Variants in ZDHHC8 observed in about 807,000 individuals in gnomAD.
ZDHHC8 encodes the protein zDHHC palmitoyltransferase 8.
ZDHHC8 carries 24 observed loss-of-function variants against 61.2 expected under a neutral mutation model. The observed-to-expected ratio is 0.39, with a 90% CI of 0.28 to 0.55. The LOEUF (loss-of-function observed/expected upper bound fraction) is 0.55. ZDHHC8 is among the 20% of genes least tolerant of loss of function. The pLI is 0.60. For synonymous variants in ZDHHC8, 523 were observed against 492.5 expected (o/e 1.06, Z -0.82); for missense variants, 935 against 1,102.1 (o/e 0.85, Z 2.15).
chr22:20,143,459 T>C lies in ZDHHC8; in HGVS notation c.1829T>C (p.Leu610Pro), dbSNP rs1166976392. ...PALRYGSRDD[L>P]VAGPGFGGAR... is the part of the protein sequence containing the mutation. ...CTGCGCTATGGCTCCAGAGACGACC[T>C]TGTGGCTGGGCCCGGCTTCGGTGGC... The change falls in exon 10 of 11, where the codon CTT (leucine) becomes CCT (proline). Residue 610 changes from leucine (L) to proline (P), a missense_variant. Leu to Pro is a moderately conservative substitution (Grantham distance 98). Transcript: ENST00000334554. 1.2e-6 allele frequency: 2 copies of C among 1,600,980 alleles called. No individual in the cohort carries two copies. Among genetic ancestry groups the C allele is most frequent in the Non-Finnish European group, 1.7e-6 (2 of 1,179,422 alleles).
Position 20,147,087 on chromosome 22 carries a change from G to A in ZDHHC8, c.*1687G>A. On this transcript the variant is annotated 3_prime_UTR_variant, in exon 11 of 11. Transcript: ENST00000334554. Reference sequence around the variant, plus strand: ...GCCAGCCTTGGGTGCCTCCTGGGCTGCACCTGTGCCACCTTGGCCGCCCGG... The same window carrying A: ...GCCAGCCTTGGGTGCCTCCTGGGCTACACCTGTGCCACCTTGGCCGCCCGG... 6.5e-7 allele frequency: 1 copy of A among 1,529,612 alleles called. No individual in the cohort carries two copies. Among genetic ancestry groups the A allele is most frequent in the East Asian group, 2.5e-5 (1 of 39,368 alleles). 94.8% of individuals were successfully genotyped at this position (1,529,612 alleles called of 1,614,324 possible).
rs1366122971 is a variant in ZDHHC8 at position 20,140,981 on chromosome 22, A to G, written c.863A>G (p.Asn288Ser). 1 of 1,611,140 alleles carries G rather than the reference A, an allele frequency of 6.2e-7. No homozygotes were observed. Among genetic ancestry groups the G allele is most frequent in the African/African-American group, 1.3e-5 (1 of 74,938 alleles). The change falls in exon 7 of 11, where the codon AAC becomes AGC. Residue 288 changes from asparagine to serine, a missense_variant. Physicochemically the swap from Asn to Ser is conservative, Grantham distance 46 (BLOSUM62 1). Coordinates refer to ENST00000334554, the MANE Select transcript of ZDHHC8 (RefSeq NM_013373.4). ...CCGCTCAAGGTCAAGCTTAGTGACAACGGGCTGAAGGCTGGCCTGGGCCGT... is the reference window on the plus strand; with the variant it reads ...CCGCTCAAGGTCAAGCTTAGTGACAGCGGGCTGAAGGCTGGCCTGGGCCGT... ...AAPLKVKLSD[N>S]GLKAGLGRSK...
chr22:20,132,566 G>A (rs913589053), intron 1 of ZDHHC8, among the ~76,000 whole-genome samples: 9 of 152,234 alleles, frequency 5.9e-5, no homozygotes, highest in African/African-American at 2.2e-4. Context: ...CTGGTGACCC[G>A]GGCCTGGCCC....
Position 20,147,117 on chromosome 22 carries a change from C to T in ZDHHC8, c.*1717C>T. Reference sequence around the variant, plus strand: ...TGTGCCACCTTGGCCGCCCGGAGGACCGCCCACCACTGCGGGCCCCCTGGA... The same window carrying T: ...TGTGCCACCTTGGCCGCCCGGAGGATCGCCCACCACTGCGGGCCCCCTGGA... On this transcript the variant is annotated 3_prime_UTR_variant, in exon 11 of 11. Transcript: ENST00000334554. The T allele has an allele frequency of 6.5e-7, 1 of 1,533,474 alleles. No individual in the cohort carries two copies. Among genetic ancestry groups the T allele is most frequent in the South Asian group, 1.2e-5 (1 of 82,700 alleles). The allele number at this position is 1,533,474 out of a possible 1,614,324, so 95.0% of individuals were successfully genotyped here.
At position 20,145,849 on chromosome 22, in the gene ZDHHC8, C is replaced by T. The variant is rs1044611767; in HGVS notation, c.*449C>T. ...CCTTCTGACACAGCCTGTGGGCTCC[C>T]GGACCGAGTGTCCCCCGCCAGGCTA... On this transcript the variant is annotated 3_prime_UTR_variant, in exon 11 of 11. Coordinates refer to ENST00000334554, the MANE Select transcript of ZDHHC8 (RefSeq NM_013373.4). 12 of 986,614 alleles carry T rather than the reference C, an allele frequency of 1.2e-5. No homozygotes were observed. The highest frequency in any genetic ancestry group is 8.7e-5 in the African/African-American group (5 of 57,304). The allele number at this position is 986,614 out of a possible 1,614,324, so 61.1% of individuals were successfully genotyped here.
chr22:20,140,865 G>A lies in ZDHHC8; in HGVS notation c.753-6G>A, dbSNP rs770318953. On this transcript the variant is annotated splice_region_variant and splice_polypyrimidine_tract_variant and intron_variant, in intron 6 of 10. Coordinates refer to ENST00000334554, the MANE Select transcript of ZDHHC8 (RefSeq NM_013373.4). ...GCTGGCTACTGACCCCTGTGCCCTGGTGCAGGTACGTGGTGGAGCCACCCC... is the reference window on the plus strand; with the variant it reads ...GCTGGCTACTGACCCCTGTGCCCTGATGCAGGTACGTGGTGGAGCCACCCC... 1.2e-5 allele frequency: 20 copies of A among 1,601,108 alleles called. No homozygotes were observed. In the South Asian group the frequency reaches 1.6e-4, roughly 13 times the overall value.
Position 20,139,834 on chromosome 22 carries a change from G to A in ZDHHC8, c.499G>A (p.Gly167Ser), listed in dbSNP as rs777211797. The A allele has an allele frequency of 1.8e-5, 29 of 1,612,520 alleles. No individual in the cohort carries two copies. The highest frequency in any genetic ancestry group is 1.7e-4 in the African/African-American group (13 of 74,912). Reference protein sequence around the residue: ...SAHMVGVVAFGLVYVLNHAEG... With the variant: ...SAHMVGVVAFSLVYVLNHAEG... The stretch of plus-strand genomic sequence containing the variant: ...ACACATGGTGGGCGTCGTGGCCTTC[G>A]GCCTGGTCTACGTGCTGAACCACGC... The change falls in exon 4 of 11, where the codon GGC becomes AGC. Residue 167 changes from glycine to serine, a missense_variant. Coordinates refer to ENST00000334554, the MANE Select transcript of ZDHHC8 (RefSeq NM_013373.4).
In ZDHHC8 at chr22:20,145,319, G is replaced by C; in HGVS notation, c.2217G>C (p.Gly739=). 1 of 1,597,822 alleles carries C rather than the reference G, an allele frequency of 6.3e-7. No individual in the cohort carries two copies. The highest frequency in any genetic ancestry group is 1.4e-5 in the African/African-American group (1 of 74,066). The change falls in exon 11 of 11, where the codon GGG becomes GGC. Residue 739 remains glycine (G), a synonymous_variant. Transcript: ENST00000334554. ...TGGGACCTGCCACCGGCCCCCCAGG[G>C]CCCTCTGCCAGCCCTACACGGCACA... ...ARLGPATGPP[G]PSASPTRHTL...
Position 20,143,221 on chromosome 22 carries a change from C to T in ZDHHC8, c.1591C>T (p.Pro531Ser), listed in dbSNP as rs574261973. 17 of 1,607,724 alleles carry T rather than the reference C, an allele frequency of 1.1e-5. No homozygotes were observed. The East Asian group carries it at 2.9e-4, about 27-fold the overall frequency. The change falls in exon 10 of 11, where the codon CCC (proline) becomes TCC (serine). Residue 531 changes from proline to serine, a missense_variant. Around this residue, in one of 3 missense-constraint regions of ZDHHC8, gnomAD observed 692 missense variants for 731.4 expected, o/e 0.95. Transcript: ENST00000334554. ...CCGCAGCTTCAGCCCCGTGCTGGGCCCCCGCCCCCGGGAGCCCTCGCCTGT... is the reference window on the plus strand; with the variant it reads ...CCGCAGCTTCAGCCCCGTGCTGGGCTCCCGCCCCCGGGAGCCCTCGCCTGT... ...LPRSFSPVLG[P>S]RPREPSPVRY... is the part of the protein sequence containing the mutation.
intron 1 of ZDHHC8, among the ~76,000 whole-genome samples, chr22:20,135,918 G>A (rs967845483): frequency 5.3e-5 from 8 of 152,280 alleles, no homozygotes; most frequent in Admixed American, 4.6e-4. Context: ...AAATGAAAAC[G>A]TCTGAGTTAA....
Position 20,146,464 on chromosome 22 carries a change from C to T in ZDHHC8, c.*1064C>T. 1.0e-6 allele frequency: 1 copy of T among 985,970 alleles called. No individual in the cohort carries two copies. Among genetic ancestry groups the T allele is most frequent in the Non-Finnish European group, 1.2e-6 (1 of 830,334 alleles). The allele number at this position is 985,970 out of a possible 1,614,324, so 61.1% of individuals were successfully genotyped here. A position where few individuals can be genotyped will look rare whatever the true frequency, so the allele number is the denominator to read the frequency against. ...AAAAAGAAAAAGAGTTATTTTGATT[C>T]TTTCCTTGGGCAAGGCCAGGGCTAT... On this transcript the variant is annotated 3_prime_UTR_variant, in exon 11 of 11. Coordinates refer to ENST00000334554, the MANE Select transcript of ZDHHC8 (RefSeq NM_013373.4).
chr22:20,146,142 G>A lies in ZDHHC8; in HGVS notation c.*742G>A, dbSNP rs1295459752. 5 of 985,586 alleles carry A rather than the reference G, an allele frequency of 5.1e-6. No homozygotes were observed. Among genetic ancestry groups the A allele is most frequent in the Middle Eastern group, 5.2e-4 (1 of 1,936 alleles). 61.1% of individuals were successfully genotyped at this position (985,586 alleles called of 1,614,324 possible). A position where few individuals can be genotyped will look rare whatever the true frequency, so the allele number is the denominator to read the frequency against. On this transcript the variant is annotated 3_prime_UTR_variant, in exon 11 of 11. Transcript: ENST00000334554. Reference sequence around the variant, plus strand: ...TTTATGCTCTTGTGGGAGGCGACGGGGGGGCAGGCGGGAGCAGGCACGGGG... The same window carrying A: ...TTTATGCTCTTGTGGGAGGCGACGGAGGGGCAGGCGGGAGCAGGCACGGGG...
chr22:20,132,974 C>T lies in ZDHHC8; in HGVS notation c.104+923C>T, dbSNP rs993541777. On this transcript the variant is annotated intron_variant, in intron 1 of 10. Coordinates refer to ENST00000334554, the MANE Select transcript of ZDHHC8 (RefSeq NM_013373.4). ...CCCAGGTGGCACGAACGATGGCCAC[C>T]TGTTCCAAGGTGGGGCCACCCCTGA... is the stretch of plus-strand genomic sequence containing the variant. Among the ~76,000 whole-genome samples, 5 of 152,242 alleles carry T rather than the reference C, an allele frequency of 3.3e-5. No individual in the cohort carries two copies. The East Asian group carries it at 5.8e-4, about 18-fold the overall frequency.
chr22:20,144,586 C>T (rs907182242), intron 10 of ZDHHC8, among the ~76,000 whole-genome samples: 2 of 152,228 alleles, frequency 1.3e-5, no homozygotes, highest in Non-Finnish European at 2.9e-5. Context: ...GCTGAGGGCA[C>T]AGCAGTCCAG....
Position 20,145,551 on chromosome 22 carries a change from G to C in ZDHHC8, c.*151G>C, listed in dbSNP as rs1298657089. ...CGGGAGAGAGTGCCACGCCTCCACA[G>C]CTTGCCCCAAGCGCTCTGCCTGCCC... On this transcript the variant is annotated 3_prime_UTR_variant, in exon 11 of 11. Coordinates refer to ENST00000334554, the MANE Select transcript of ZDHHC8 (RefSeq NM_013373.4). 4.4e-5 allele frequency: 57 copies of C among 1,294,146 alleles called. No individual in the cohort carries two copies. In the East Asian group the frequency reaches 1.7e-3, roughly 38 times the overall value. 80.2% of individuals were successfully genotyped at this position (1,294,146 alleles called of 1,614,324 possible).
rs1481297483 is a variant in ZDHHC8, at chr22:20,146,835, C to G, written c.*1435C>G. On this transcript the variant is annotated 3_prime_UTR_variant, in exon 11 of 11. Coordinates refer to ENST00000334554, the MANE Select transcript of ZDHHC8 (RefSeq NM_013373.4). ...CAGGGCCCTGTGGGGGCCGCTGAAC[C>G]TGCTGGAACTCTCCTGCCTGCCACA... The G allele has an allele frequency of 8.0e-7, 1 of 1,247,576 alleles. No homozygotes were observed. Among genetic ancestry groups the G allele is most frequent in the East Asian group, 3.2e-5 (1 of 31,602 alleles). The allele number at this position is 1,247,576 out of a possible 1,614,324, so 77.3% of individuals were successfully genotyped here. A position where few individuals can be genotyped will look rare whatever the true frequency, so the allele number is the denominator to read the frequency against.
chr22:20,143,894 G>C (rs1371873141), intron 10 of ZDHHC8, 138 bp downstream of exon 10: 40 of 1,157,146 alleles, frequency 3.5e-5, no homozygotes, highest in Non-Finnish European at 4.4e-5. Context: ...GGGAGGATGC[G>C]CCTCACCCTG....
Position 20,146,378 on chromosome 22 carries a change from C to T in ZDHHC8, c.*978C>T. The T allele has an allele frequency of 1.0e-6, 1 of 985,616 alleles. No homozygotes were observed. The highest frequency in any genetic ancestry group is 1.2e-6 in the Non-Finnish European group (1 of 829,926). The allele number at this position is 985,616 out of a possible 1,614,324, so 61.1% of individuals were successfully genotyped here. On this transcript the variant is annotated 3_prime_UTR_variant, in exon 11 of 11. Transcript: ENST00000334554. ...GAGAGTAAGCACATGACAGCGTCTG[C>T]TTGCGTTGTGTCTGTTTTATGTTTT...
Position 20,143,021 on chromosome 22 carries a change from T to A in ZDHHC8, c.1391T>A (p.Ile464Asn). The A allele has an allele frequency of 6.2e-7, 1 of 1,612,138 alleles. No individual in the cohort carries two copies. The highest frequency in any genetic ancestry group is 8.5e-7 in the Non-Finnish European group (1 of 1,179,686). ...GGGCCCCCCACGCCCCACCGTAGCA[T>A]TTTTGCCCCCCATGCACTGCCCAAC... ...EGGPPTPHRS[I>N]FAPHALPNRN... The change falls in exon 10 of 11, where the codon ATT becomes AAT. Residue 464 changes from isoleucine to asparagine, a missense_variant. By Grantham distance (149) the Ile-to-Asn change is moderately radical (BLOSUM62 -3). Coordinates refer to ENST00000334554, the MANE Select transcript of ZDHHC8 (RefSeq NM_013373.4).
Sources: allele counts gnomAD v4.1 joint callset (sites outside exome capture counted in the v4.1 genomes callset), GRCh38; gene constraint gnomAD v4.1.1; regional missense constraint gnomAD v4.1.1; transcripts MANE v1.5; gene names NCBI Gene and HGNC (gene_info 2026-07-23, HGNC 2026-07-21).